GDPD4: variants seen among roughly 807,000 people sequenced by gnomAD.
GDPD4 encodes the protein glycerophosphodiester phosphodiesterase 6.
GDPD4 carries 60 observed loss-of-function variants against 67.8 expected under a neutral mutation model. That is an observed-to-expected ratio of 0.88 (90% CI 0.72 to 1.10). GDPD4 has a LOEUF of 1.10. Among genes scored for constraint, GDPD4 ranks in the 50% least tolerant of loss-of-function variants. The pLI is 0.00. For missense variants in GDPD4, 623 were observed against 613.9 expected (o/e 1.01, Z -0.16); for synonymous variants, 212 against 210.9 (o/e 1.00, Z -0.04).
intron 5 of GDPD4, among the ~76,000 whole-genome samples, chr11:77,271,939 AC>A (rs1959238631): frequency 6.6e-6 from 1 of 152,198 alleles, no homozygotes; most frequent in Non-Finnish European, 1.5e-5. Flanking sequence ...TATTTATTAA[AC>A]AGATGAAAAA....
chr11:77,231,079 G>C (rs775395999), intron 14 of GDPD4, among the ~76,000 whole-genome samples: 1 of 152,066 alleles, frequency 6.6e-6, no homozygotes, highest in African/African-American at 2.4e-5. Flanking sequence ...AGCTGACTTG[G>C]CTCAAACCAG....
chr11:77,260,970 G>A (rs1400839646), intron 10 of GDPD4, among the ~76,000 whole-genome samples: 4 of 151,934 alleles, frequency 2.6e-5, no homozygotes, highest in Non-Finnish European at 2.9e-5. Flanking sequence ...AAGAAGGGAG[G>A]TGCAGAAAAA....
intron 16 of GDPD4, among the ~76,000 whole-genome samples, chr11:77,218,494 C>G (rs1958168099): frequency 6.6e-6 from 1 of 152,128 alleles, no homozygotes; most frequent in East Asian, 1.9e-4. Flanking sequence ...CACCCATCAA[C>G]TCGTCATTTA....
At position 77,256,241 on chromosome 11, in the gene GDPD4, C is replaced by G. The variant is rs145467421; in HGVS notation, c.864+2145G>C. On this transcript the variant is annotated intron_variant, in intron 11 of 16. Coordinates refer to ENST00000315938, the MANE Select transcript of GDPD4 (RefSeq NM_182833.3). ...TCAGATACAATAATAGGCTTTTCAT[C>G]TAGAACACACCTTTGCCAAAATATT... 3.1e-3 allele frequency among the ~76,000 whole-genome samples: 474 copies of G among 152,298 alleles called. 4 individuals carry two copies. The highest frequency in any genetic ancestry group is 0.011 in the African/African-American group (453 of 41,570).
intron 10 of GDPD4, among the ~76,000 whole-genome samples, chr11:77,259,952 C>T (rs145569367): frequency 5.8e-4 from 89 of 152,254 alleles, no homozygotes; most frequent in African/African-American, 2.0e-3. Flanking sequence ...ATTCAAGTTC[C>T]ATCCAGCGAG....
rs921790019 is a variant in GDPD4, at chr11:77,266,872, C to A, written c.707+1585G>T. ...TGTTATCACAAGAGTCAAAAAGTTA[C>A]AATAAGCTGGAGTTAATTTATTATT... On this transcript the variant is annotated intron_variant, in intron 10 of 16. Coordinates refer to ENST00000315938, the MANE Select transcript of GDPD4 (RefSeq NM_182833.3). Among the ~76,000 whole-genome samples the A allele has an allele frequency of 2.6e-5, 4 of 152,300 alleles. No homozygotes were observed. The East Asian group carries it at 7.7e-4, about 29-fold the overall frequency.
intron 11 of GDPD4, among the ~76,000 whole-genome samples, chr11:77,246,795 A>G (rs1415119051): frequency 6.6e-6 from 1 of 152,210 alleles, no homozygotes; most frequent in African/African-American, 2.4e-5. Context: ...ACTGTCATAC[A>G]TTCTTTGAAA....
At chr11:77,297,317 T>G (rs1439544869) in intron 1 of GDPD4, among the ~76,000 whole-genome samples, 13 of 151,320 alleles carry the variant, frequency 8.6e-5, no homozygotes, top group Admixed American at 8.5e-4. Flanking sequence ...GAGGCCGAGG[T>G]GGGCGGATCA....
At chr11:77,286,014 A>T (rs962138864) in intron 2 of GDPD4, among the ~76,000 whole-genome samples, 3 of 152,136 alleles carry the variant, frequency 2.0e-5, no homozygotes, top group Admixed American at 2.0e-4. Context: ...GTCTTTGGGG[A>T]TTCTTTATTC....
At chr11:77,249,581 T>C (rs1303972916) in intron 11 of GDPD4, among the ~76,000 whole-genome samples, 2 of 152,104 alleles carry the variant, frequency 1.3e-5, no homozygotes, top group East Asian at 3.9e-4. Flanking sequence ...GCCCAGAAAA[T>C]TGGAGACACA....
At chr11:77,288,701 T>G (rs1171686479) in intron 1 of GDPD4, among the ~76,000 whole-genome samples, 1 of 152,086 alleles carries the variant, frequency 6.6e-6, no homozygotes, top group Non-Finnish European at 1.5e-5. Flanking sequence ...AAAAGGCAAC[T>G]GTTACAGCAG....
intron 11 of GDPD4, among the ~76,000 whole-genome samples, chr11:77,249,590 C>A (rs1485673638): frequency 6.6e-6 from 1 of 152,092 alleles, no homozygotes; most frequent in East Asian, 1.9e-4. Flanking sequence ...ATTGGAGACA[C>A]AGGTGAAAGG....
rs1418263371 is a variant in GDPD4, at chr11:77,301,220, T to A, written c.-254+385A>T. ...TCACAGGCACCTCAAAAGTAATATG[T>A]CCAAAACTGAACCCCTGATGTTTTT... On this transcript the variant is annotated intron_variant, in intron 1 of 16. Transcript: ENST00000315938. 3.3e-5 allele frequency among the ~76,000 whole-genome samples: 5 copies of A among 152,122 alleles called. 1 individual carries two copies. The East Asian group carries it at 9.7e-4, about 29-fold the overall frequency.
intron 14 of GDPD4, among the ~76,000 whole-genome samples, chr11:77,231,501 G>A (rs926653841): frequency 7.9e-5 from 12 of 152,302 alleles, no homozygotes; most frequent in African/African-American, 2.9e-4. Context: ...GGCATAGGCT[G>A]GGAACCATGC....
chr11:77,232,114 T>C (rs1303214176), intron 14 of GDPD4, among the ~76,000 whole-genome samples: 1 of 152,206 alleles, frequency 6.6e-6, no homozygotes, highest in African/African-American at 2.4e-5. Flanking sequence ...TGACAAAGGC[T>C]TTAACTTTCA....
Position 77,223,162 on chromosome 11 carries a change from A to G in GDPD4, c.1525+4702T>C, listed in dbSNP as rs536370076. 3.3e-5 allele frequency among the ~76,000 whole-genome samples: 5 copies of G among 152,208 alleles called. No individual in the cohort carries two copies. In the East Asian group the frequency reaches 9.7e-4, roughly 29 times the overall value. On this transcript the variant is annotated intron_variant, in intron 16 of 16. Transcript: ENST00000315938. The stretch of plus-strand genomic sequence containing the variant: ...TAGCTTCCTTGCAATGGGTTCGAAC[A>G]TCCTCCTTTCGCTTGGAGAAGTTTG...
At chr11:77,289,232 G>A (rs1263448169) in intron 1 of GDPD4, among the ~76,000 whole-genome samples, 6 of 151,962 alleles carry the variant, frequency 3.9e-5, no homozygotes, top group African/African-American at 1.2e-4. Flanking sequence ...GCTTGGTAGT[G>A]CACATCTGTA....
chr11:77,296,468 G>A (rs947535176), intron 1 of GDPD4, among the ~76,000 whole-genome samples: 1 of 150,504 alleles, frequency 6.6e-6, no homozygotes, highest in African/African-American at 2.4e-5. Context: ...TTACAAGCAC[G>A]CACCACTATG....
intron 10 of GDPD4, among the ~76,000 whole-genome samples, chr11:77,268,082 T>C (rs113856267): frequency 6.6e-6 from 1 of 152,126 alleles, no homozygotes; most frequent in Non-Finnish European, 1.5e-5. Context: ...TGACTACATC[T>C]TATTCATTTG....
Sources: gnomAD v4.1 joint callset for allele counts (sites outside exome capture counted in the v4.1 genomes callset) on GRCh38, gnomAD v4.1.1 for gene constraint, MANE v1.5 for transcripts, NCBI Gene and HGNC (gene_info 2026-07-23, HGNC 2026-07-21) for gene names.